GLI2: variants seen among roughly 807,000 people sequenced by gnomAD.
GLI2 encodes the protein transcription activator GLI2.
In GLI2, 22 loss-of-function variants were observed where a neutral mutation model predicts 78.9. The ratio of observed to expected loss-of-function variants is 0.28; its 90% CI spans 0.20 to 0.40. The LOEUF (loss-of-function observed/expected upper bound fraction) is 0.40. GLI2 is among the 10% of genes least tolerant of loss of function. The probability of loss-of-function intolerance (pLI) is 1.00; values close to 1 mark genes in which losing one functional copy is unlikely to be tolerated. For synonymous variants in GLI2, 974 were observed against 963.7 expected (o/e 1.01, Z -0.20); for missense variants, 2,097 against 2,213.2 (o/e 0.95, Z 1.05).
chr2:120,930,274 T>G lies in GLI2; in HGVS notation c.254+2808T>G, dbSNP rs527579625. On this transcript the variant is annotated intron_variant, in intron 3 of 13. Coordinates refer to ENST00000361492, the MANE Select transcript of GLI2 (RefSeq NM_001374353.1). ...CATAACTGACCTTGTGAACCGGCCC[T>G]GCTGTAAATGCTTTTATGTGTTCAT... 3.3e-5 allele frequency among the ~76,000 whole-genome samples: 5 copies of G among 152,366 alleles called. No homozygotes were observed. In the East Asian group the frequency reaches 9.6e-4, roughly 29 times the overall value.
At chr2:120,772,317 C>G (rs1003612013) in intron 1 of GLI2, among the ~76,000 whole-genome samples, 3 of 152,176 alleles carry the variant, frequency 2.0e-5, no homozygotes, top group Non-Finnish European at 2.9e-5. Context: ...CTCCCCATCT[C>G]CAGCTCCCCA....
At chr2:120,814,122 C>T (rs183186982) in intron 2 of GLI2, among the ~76,000 whole-genome samples, 5 of 152,228 alleles carry the variant, frequency 3.3e-5, no homozygotes, top group Admixed American at 2.6e-4. Flanking sequence ...CAGTGCCCCA[C>T]TGAGGGTTCC....
chr2:120,742,846 G>C (rs1682591253), intron 1 of GLI2, among the ~76,000 whole-genome samples: 1 of 152,126 alleles, frequency 6.6e-6, no homozygotes, highest in African/African-American at 2.4e-5. Context: ...TTAATGTTAT[G>C]CAAATAGAAG....
intron 1 of GLI2, among the ~76,000 whole-genome samples, chr2:120,784,500 A>G (rs1470925604): frequency 6.7e-6 from 1 of 148,224 alleles, no homozygotes; most frequent in Non-Finnish European, 1.5e-5. Flanking sequence ...AGTGAGGCTG[A>G]GGGGGCAGGG....
intron 1 of GLI2, among the ~76,000 whole-genome samples, chr2:120,777,199 G>T (rs990482577): frequency 6.6e-6 from 1 of 152,192 alleles, no homozygotes; most frequent in African/African-American, 2.4e-5. Flanking sequence ...TAGTGTACAA[G>T]TGTGTGTAAG....
chr2:120,916,604 C>G (rs2104831059), intron 2 of GLI2, among the ~76,000 whole-genome samples: 1 of 152,372 alleles, frequency 6.6e-6, no homozygotes, highest in East Asian at 1.9e-4. Flanking sequence ...CCGGGGCACT[C>G]CCTGTGGGCA....
intron 2 of GLI2, among the ~76,000 whole-genome samples, chr2:120,880,039 C>T (rs945629973): frequency 5.3e-4 from 80 of 152,192 alleles, no homozygotes; most frequent in Non-Finnish European, 4.4e-5. Context: ...CCAGAGGTGC[C>T]GCTTCAAGCT....
chr2:120,974,161 C>T (rs1682332731), intron 8 of GLI2, among the ~76,000 whole-genome samples: 3 of 152,130 alleles, frequency 2.0e-5, no homozygotes, highest in South Asian at 2.1e-4. Flanking sequence ...GCCTTCCTAG[C>T]AGACCAGTGG....
At chr2:120,861,690 GC>G (rs1687911898) in intron 2 of GLI2, among the ~76,000 whole-genome samples, 1 of 152,204 alleles carries the variant, frequency 6.6e-6, no homozygotes, top group African/African-American at 2.4e-5. Context: ...GGGAACCGGG[GC>G]CTGCTGAGCT....
intron 12 of GLI2, 103 bp from the exon 13 acceptor site, chr2:120,986,175 C>T (rs541867554): frequency 1.3e-5 from 13 of 1,025,074 alleles, no homozygotes; most frequent in Non-Finnish European, 1.9e-5. Flanking sequence ...ACCCTCAGCC[C>T]CTCAGGGTGG....
intron 1 of GLI2, among the ~76,000 whole-genome samples, chr2:120,757,300 G>A (rs1319472411): frequency 6.8e-6 from 1 of 147,952 alleles, no homozygotes; most frequent in African/African-American, 2.5e-5. Flanking sequence ...ATTGGATGTT[G>A]AATATTTTTG....
intron 11 of GLI2, among the ~76,000 whole-genome samples, chr2:120,983,976 T>TGC (rs1682843665): frequency 6.6e-6 from 1 of 151,770 alleles, no homozygotes; most frequent in South Asian, 2.1e-4. Flanking sequence ...TGTGTGTGTG[T>TGC]GTGCATGTTT....
chr2:120,825,845 T>C (rs1686031035), intron 2 of GLI2, among the ~76,000 whole-genome samples: 1 of 152,170 alleles, frequency 6.6e-6, no homozygotes. Context: ...CCAGGAGATG[T>C]TTGGATAATC....
intron 4 of GLI2, among the ~76,000 whole-genome samples, chr2:120,953,511 C>G (rs1402459820): frequency 1.3e-5 from 2 of 152,156 alleles, no homozygotes; most frequent in East Asian, 3.9e-4. Context: ...CAGCATTTGC[C>G]CTGGGAAACT....
intron 2 of GLI2, among the ~76,000 whole-genome samples, chr2:120,834,505 G>C (rs1686515174): frequency 1.3e-5 from 2 of 152,142 alleles, no homozygotes; most frequent in South Asian, 4.1e-4. Flanking sequence ...TGGATCAGTT[G>C]GTTTGCACAC....
chr2:120,819,239 ATTTTTTTTT>A (rs10701244), intron 2 of GLI2, among the ~76,000 whole-genome samples: 1 of 116,750 alleles, frequency 8.6e-6, no homozygotes, highest in Non-Finnish European at 1.7e-5. Flanking sequence ...ACTAATAGAG[ATTTTTTTTT>A]TTTTTTTTTT....
At chr2:120,842,452 G>C (rs1015822846) in intron 2 of GLI2, among the ~76,000 whole-genome samples, 2 of 152,028 alleles carry the variant, frequency 1.3e-5, no homozygotes, top group African/African-American at 4.8e-5. Context: ...TCCATTATGT[G>C]GACAGACTGT....
chr2:120,920,816 C>T (rs1400277734), intron 2 of GLI2, among the ~76,000 whole-genome samples: 3 of 149,190 alleles, frequency 2.0e-5, no homozygotes, highest in East Asian at 2.0e-4. Flanking sequence ...AAATGGCATA[C>T]GGGGTGTGTA....
At chr2:120,846,357 G>A (rs1203928650) in intron 2 of GLI2, among the ~76,000 whole-genome samples, 1 of 152,196 alleles carries the variant, frequency 6.6e-6, no homozygotes, top group Non-Finnish European at 1.5e-5. Context: ...TTTTGTGAAA[G>A]CCTTTGTGGG....
Sources: allele counts gnomAD v4.1 joint callset (sites outside exome capture counted in the v4.1 genomes callset), GRCh38; gene constraint gnomAD v4.1.1; transcripts MANE v1.5; gene names NCBI Gene and HGNC (gene_info 2026-07-23, HGNC 2026-07-21).